STX4: variants seen among roughly 807,000 people sequenced by gnomAD.
STX4 encodes the protein syntaxin-4.
STX4 carries 24 observed loss-of-function variants against 41.8 expected under a neutral mutation model. The observed-to-expected ratio is 0.57, with a 90% CI of 0.42 to 0.81. The LOEUF (loss-of-function observed/expected upper bound fraction) is 0.81. Ranked by LOEUF, STX4 falls within the 30% of genes least tolerant of loss-of-function variation. STX4 has a pLI of 0.00. For synonymous variants in STX4, 158 were observed against 156.4 expected (o/e 1.01, Z -0.08); for missense variants, 316 against 389.9 (o/e 0.81, Z 1.60).
Position 31,038,105 on chromosome 16 carries a change from C to A in STX4, c.488-9C>A, listed in dbSNP as rs752911815. The A allele has an allele frequency of 1.9e-6, 3 of 1,614,190 alleles. No homozygotes were observed. The highest frequency in any genetic ancestry group is 2.5e-6 in the Non-Finnish European group (3 of 1,180,030). On this transcript the variant is annotated splice_polypyrimidine_tract_variant and intron_variant, in intron 6 of 10. Transcript: ENST00000313843. The stretch of plus-strand genomic sequence containing the variant: ...AACCCAACCCTGAGCCTGGCCTTTT[C>A]CTTCACAGCCAATGCTGGGATGGTG...
In STX4 at chr16:31,038,190, T is replaced by C; in HGVS notation, c.564T>C (p.Asn188=). 14 of 1,613,932 alleles carry C rather than the reference T, an allele frequency of 8.7e-6. No homozygotes were observed. The highest frequency in any genetic ancestry group is 1.1e-5 in the Non-Finnish European group (13 of 1,179,976). Residue 188 remains asparagine, a splice_region_variant and synonymous_variant, in exon 7 of 11, where the codon AAT becomes AAC. Coordinates refer to ENST00000313843, the MANE Select transcript of STX4 (RefSeq NM_004604.5). ...DSGQSEVFVS[N]ILKDTQVTRQ... ...GGCAAAGCGAGGTGTTTGTGTCCAATGTGAGTGGCCACAGCCAGCCCCTCT... is the reference window on the plus strand; with the variant it reads ...GGCAAAGCGAGGTGTTTGTGTCCAACGTGAGTGGCCACAGCCAGCCCCTCT...
chr16:31,034,287 A>G lies in STX4; in HGVS notation c.194A>G (p.Gln65Arg), dbSNP rs751659069. 3.5e-5 allele frequency: 57 copies of G among 1,614,074 alleles called. 1 individual carries two copies. Among genetic ancestry groups the G allele is most frequent in the Non-Finnish European group, 4.7e-5 (55 of 1,180,034 alleles). ...AATAAAGTCCAGGAGTTGGAGAAAC[A>G]GCAGGTCACCATCCTGGCCACGCCC... ...LGNKVQELEK[Q>R]QVTILATPLP... is the part of the protein sequence containing the mutation. Residue 65 changes from glutamine (Q) to arginine (R), a missense_variant, in exon 3 of 11, where the codon CAG becomes CGG. Physicochemically the swap from Gln to Arg is conservative, Grantham distance 43. Transcript: ENST00000313843.
rs368873655 is a variant in STX4, at chr16:31,038,000, G to A, written c.453G>A (p.Lys151=). 1.5e-5 allele frequency: 24 copies of A among 1,614,080 alleles called. No homozygotes were observed. The African/African-American group carries it at 2.9e-4, about 20-fold the overall frequency. The change falls in exon 6 of 11, where the codon AAG becomes AAA. Residue 151 remains lysine, a synonymous_variant. Coordinates refer to ENST00000313843, the MANE Select transcript of STX4 (RefSeq NM_004604.5). The part of the protein sequence containing the change: ...CNSMQSEYRE[K]NVERIRRQLK... ...CAATGCAGTCCGAATACCGGGAGAAGAACGTGGAGCGGATTCGGAGGCAGC... is the reference window on the plus strand; with the variant it reads ...CAATGCAGTCCGAATACCGGGAGAAAAACGTGGAGCGGATTCGGAGGCAGC...
Position 31,035,051 on chromosome 16 carries a change from T to G in STX4, c.378+11T>G. ...ATGAGAAAAACCCAGGTGGGTTTTT[T>G]TTCTCAGAAATGAGGACATTTCAGC... On this transcript the variant is annotated intron_variant, in intron 5 of 10. Coordinates refer to ENST00000313843, the MANE Select transcript of STX4 (RefSeq NM_004604.5). 1 of 1,596,726 alleles carries G rather than the reference T, an allele frequency of 6.3e-7. No homozygotes were observed.
rs376599801 is a variant in STX4, at chr16:31,034,344, G to T, written c.232+19G>T. 88 of 1,613,818 alleles carry T rather than the reference G, an allele frequency of 5.5e-5. No homozygotes were observed. The African/African-American group carries it at 1.1e-3, about 20-fold the overall frequency. ...GAGGAGAGTGAGTGAAACCCCGGCT[G>T]CAGGGCGCATGCTCCGCCCCAGGGA... On this transcript the variant is annotated intron_variant, in intron 3 of 10. Transcript: ENST00000313843.
chr16:31,034,511 G>A lies in STX4; in HGVS notation c.282G>A (p.Gly94=). Reference sequence around the variant, plus strand: ...TGCGCGATGAGATCAAACAGCTGGGGAGGGAGATCCGCCTGCAGCTGAAGG... The same window carrying A: ...TGCGCGATGAGATCAAACAGCTGGGAAGGGAGATCCGCCTGCAGCTGAAGG... The part of the protein sequence containing the change: ...QNLRDEIKQL[G]REIRLQLKAI... The change falls in exon 4 of 11, where the codon GGG becomes GGA. Residue 94 remains glycine, a synonymous_variant. Transcript: ENST00000313843. 1 of 1,602,288 alleles carries A rather than the reference G, an allele frequency of 6.2e-7. No individual in the cohort carries two copies. Among genetic ancestry groups the A allele is most frequent in the Non-Finnish European group, 8.5e-7 (1 of 1,172,894 alleles).
chr16:31,038,581 G>C lies in STX4; in HGVS notation c.636G>C (p.Gln212His), dbSNP rs761952530. 1 of 1,614,126 alleles carries C rather than the reference G, an allele frequency of 6.2e-7. No homozygotes were observed. Among genetic ancestry groups the C allele is most frequent in the Non-Finnish European group, 8.5e-7 (1 of 1,180,030 alleles). ...EISARHSEIQ[Q>H]LERSIRELHD... ...CGGCCCGGCACAGTGAGATCCAGCA[G>C]CTTGAACGCAGTATTCGTGAGCTGC... Residue 212 changes from glutamine to histidine, a missense_variant, in exon 8 of 11, where the codon CAG becomes CAC. Coordinates refer to ENST00000313843, the MANE Select transcript of STX4 (RefSeq NM_004604.5).
At chr16:31,037,521 G>A (rs1187528768) in intron 5 of STX4, among the ~76,000 whole-genome samples, 3 of 150,706 alleles carry the variant, frequency 2.0e-5, no homozygotes, top group South Asian at 2.1e-4. Context: ...TTAGCCGTGC[G>A]TGGTGGCGCG....
At position 31,034,047 on chromosome 16, in the gene STX4, G is replaced by A; in HGVS notation, c.65G>A (p.Arg22Gln). Residue 22 changes from arginine to glutamine, a missense_variant, in exon 2 of 11, where the codon CGG becomes CAG. Physicochemically the swap from Arg to Gln is conservative, Grantham distance 43. Transcript: ENST00000313843. ...DDSSDEEDKE[R>Q]VALVVHPGTA... is the part of the protein sequence containing the mutation. ...AGCTCGGACGAAGAGGACAAGGAGC[G>A]GGTCGCGCTGGTGGTGCACCCGGGC... 1 of 1,608,942 alleles carries A rather than the reference G, an allele frequency of 6.2e-7. No homozygotes were observed. Among genetic ancestry groups the A allele is most frequent in the Non-Finnish European group, 8.5e-7 (1 of 1,176,806 alleles).
rs981962242 is a variant in STX4 at position 31,033,940 on chromosome 16, C to G, written c.31-73C>G. The G allele has an allele frequency of 2.7e-6, 4 of 1,470,242 alleles. No individual in the cohort carries two copies. In the African/African-American group the frequency reaches 5.7e-5, roughly 21 times the overall value. The allele number at this position is 1,470,242 out of a possible 1,614,324, so 91.1% of individuals were successfully genotyped here. ...GTGGCTGATGGCCAGGAAGGAAAGT[C>G]CCGGAAGCCTGTGGGTCCTGCGGGG... On this transcript the variant is annotated intron_variant, in intron 1 of 10. Coordinates refer to ENST00000313843, the MANE Select transcript of STX4 (RefSeq NM_004604.5). The surrounding 1 kb of genome is among the most constrained non-coding windows in gnomAD (Gnocchi z 5.5).
At position 31,039,888 on chromosome 16, in the gene STX4, C is replaced by A; in HGVS notation, c.*16-24C>A. The stretch of plus-strand genomic sequence containing the variant: ...CCAGCCCTCCCTCCTCCCTCAGACC[C>A]TGTTCTCCCTCCTTTCCTTACAGGC... On this transcript the variant is annotated intron_variant, in intron 10 of 10. Coordinates refer to ENST00000313843, the MANE Select transcript of STX4 (RefSeq NM_004604.5). This position sits in a 1 kb window ranked among gnomAD's most constrained non-coding sequence, Gnocchi z 4.1. 1 of 1,472,412 alleles carries A rather than the reference C, an allele frequency of 6.8e-7. No individual in the cohort carries two copies. Among genetic ancestry groups the A allele is most frequent in the East Asian group, 2.3e-5 (1 of 44,174 alleles). 91.2% of individuals were successfully genotyped at this position (1,472,412 alleles called of 1,614,324 possible).
chr16:31,039,439 T>G lies in STX4; in HGVS notation c.703-102T>G. On this transcript the variant is annotated intron_variant, in intron 8 of 10. Coordinates refer to ENST00000313843, the MANE Select transcript of STX4 (RefSeq NM_004604.5). This position sits in a 1 kb window ranked among gnomAD's most constrained non-coding sequence, Gnocchi z 4.1. The stretch of plus-strand genomic sequence containing the variant: ...AGATCAAGTCTTGCCCTTGTCTTTG[T>G]TAGTGCAATTTTTTTTTCCTGCCAG... 1 of 1,204,432 alleles carries G rather than the reference T, an allele frequency of 8.3e-7. No individual in the cohort carries two copies. The highest frequency in any genetic ancestry group is 1.2e-6 in the Non-Finnish European group (1 of 843,418). The allele number at this position is 1,204,432 out of a possible 1,614,324, so 74.6% of individuals were successfully genotyped here. A position where few individuals can be genotyped will look rare whatever the true frequency, so the allele number is the denominator to read the frequency against.
At chr16:31,038,260 C>T (rs2056818400) in intron 7 of STX4, 70 bp downstream of exon 7, 2 of 1,581,816 alleles carry the variant, frequency 1.3e-6, no homozygotes, top group Admixed American at 3.5e-5. Context: ...GTTTCTCGAC[C>T]TCCTGGGCTC....
chr16:31,034,486 T>C lies in STX4; in HGVS notation c.257T>C (p.Leu86Pro). Residue 86 changes from leucine (L) to proline (P), a missense_variant, in exon 4 of 11, where the codon CTG (leucine) becomes CCG (proline). By Grantham distance (98) the Leu-to-Pro change is moderately conservative. Coordinates refer to ENST00000313843, the MANE Select transcript of STX4 (RefSeq NM_004604.5). Reference sequence around the variant, plus strand: ...GGCATGAAGCAGGAGCTGCAGAACCTGCGCGATGAGATCAAACAGCTGGGG... The same window carrying C: ...GGCATGAAGCAGGAGCTGCAGAACCCGCGCGATGAGATCAAACAGCTGGGG... ...EESMKQELQN[L>P]RDEIKQLGRE... The C allele has an allele frequency of 6.2e-7, 1 of 1,604,822 alleles. No homozygotes were observed. Among genetic ancestry groups the C allele is most frequent in the South Asian group, 1.1e-5 (1 of 90,154 alleles).
At position 31,034,002 on chromosome 16, in the gene STX4, G is replaced by T. The variant is rs1438678952; in HGVS notation, c.31-11G>T. 2 of 1,580,410 alleles carry T rather than the reference G, an allele frequency of 1.3e-6. No homozygotes were observed. The highest frequency in any genetic ancestry group is 8.6e-7 in the Non-Finnish European group (1 of 1,160,632). The stretch of plus-strand genomic sequence containing the variant: ...GCGAAACGGTGGTGCCAATGACTCC[G>T]GGCCTGGCAGGGGGATGACAGCTCG... On this transcript the variant is annotated splice_polypyrimidine_tract_variant and intron_variant, in intron 1 of 10. Transcript: ENST00000313843.
At position 31,039,688 on chromosome 16, in the gene STX4, C is replaced by G. The variant is rs375926870; in HGVS notation, c.814-35C>G. ...AGGCCCGGCCACTGCCCCAGGCACCCTGTGTGACTTCCCTGACCCCCTCCT... is the reference window on the plus strand; with the variant it reads ...AGGCCCGGCCACTGCCCCAGGCACCGTGTGTGACTTCCCTGACCCCCTCCT... On this transcript the variant is annotated intron_variant, in intron 9 of 10. Transcript: ENST00000313843. This position sits in a 1 kb window ranked among gnomAD's most constrained non-coding sequence, Gnocchi z 4.1. 261 of 1,614,068 alleles carry G rather than the reference C, an allele frequency of 1.6e-4. No homozygotes were observed. Among genetic ancestry groups the G allele is most frequent in the Non-Finnish European group, 2.1e-4 (244 of 1,180,024 alleles).
chr16:31,034,086 G>A lies in STX4; in HGVS notation c.104G>A (p.Gly35Glu). ...GTGCACCCGGGCACGGCACGGCTGG[G>A]GAGCCCGGACGAGGAGTTCTTCCAC... Reference protein sequence around the residue: ...LVVHPGTARLGSPDEEFFHKV... With the variant: ...LVVHPGTARLESPDEEFFHKV... Residue 35 changes from glycine (G) to glutamate (E), a missense_variant, in exon 2 of 11, where the codon GGG becomes GAG. Transcript: ENST00000313843. The A allele has an allele frequency of 6.2e-7, 1 of 1,610,116 alleles. No individual in the cohort carries two copies. Among genetic ancestry groups the A allele is most frequent in the Non-Finnish European group, 8.5e-7 (1 of 1,177,478 alleles).
chr16:31,033,541 T>C, upstream of STX4: 11 of 1,548,978 alleles, frequency 7.1e-6, no homozygotes, highest in Non-Finnish European at 9.6e-6. This position sits in a 1 kb window ranked among gnomAD's most constrained non-coding sequence, Gnocchi z 5.5. Flanking sequence ...GCCCCGAATT[T>C]ATCACGGAGG....
rs778297706 is a variant in STX4 at position 31,034,233 on chromosome 16, C to A, written c.140C>A (p.Thr47Lys). Residue 47 changes from threonine (T) to lysine (K), a missense_variant, in exon 3 of 11, where the codon ACA becomes AAA. Thr to Lys is a moderately conservative substitution (Grantham distance 78). Transcript: ENST00000313843. ...CTCGGTCACCCTCCCCAGGTCCGGA[C>A]AATTCGGCAGACTATTGTCAAACTG... ...PDEEFFHKVR[T>K]IRQTIVKLGN... 7.4e-6 allele frequency: 12 copies of A among 1,614,030 alleles called. No homozygotes were observed. The African/African-American group carries it at 1.5e-4, about 20-fold the overall frequency.
Sources: gnomAD v4.1 joint callset for allele counts (sites outside exome capture counted in the v4.1 genomes callset) on GRCh38, gnomAD v4.1.1 for gene constraint, Gnocchi (gnomAD v3.1) non-coding constraint, MANE v1.5 for transcripts, NCBI Gene and HGNC (gene_info 2026-07-23, HGNC 2026-07-21) for gene names.